Variants in SPOCK3 observed in about 807,000 individuals in gnomAD.
SPOCK3 encodes the protein testican-3.
A neutral mutation model predicts 56.6 loss-of-function variants in SPOCK3; 30 were observed. That is an observed-to-expected ratio of 0.53 (90% CI 0.40 to 0.72). SPOCK3 has a LOEUF of 0.72. Among genes scored for constraint, SPOCK3 ranks in the 30% least tolerant of loss-of-function variants. The pLI is 0.00. For missense variants in SPOCK3, 527 were observed against 530.0 expected, an observed-to-expected ratio of 0.99 and a Z score of 0.06; for synonymous variants, 196 against 183.3, an observed-to-expected ratio of 1.07 and a Z score of -0.56.
intron 2 of SPOCK3, among the ~76,000 whole-genome samples, chr4:167,199,225 T>TTGTGTGTGTGTGTG (rs58765976): frequency 4.5e-4 from 64 of 142,058 alleles, no homozygotes; most frequent in African/African-American, 1.6e-3. Context: ...AAATATTTGT[T>TTGTGTGTGTGTGTG]TGTGTGTGTG....
intron 7 of SPOCK3, among the ~76,000 whole-genome samples, chr4:166,765,763 T>G (rs970278113): frequency 3.3e-5 from 5 of 152,358 alleles, no homozygotes; most frequent in African/African-American, 1.2e-4. Flanking sequence ...ATTGAATCTA[T>G]AAATTACCTT....
At chr4:167,070,291 GGCAGGGAGACCCCTGATT>G (rs1182207579) in intron 2 of SPOCK3, among the ~76,000 whole-genome samples, 1 of 151,854 alleles carries the variant, frequency 6.6e-6, no homozygotes, top group African/African-American at 2.4e-5. Context: ...AAGCATAAAT[GGCAGGGAGACCCCTGATT>G]TTTAACCTTT....
At chr4:167,081,276 G>T (rs1757681945) in intron 2 of SPOCK3, among the ~76,000 whole-genome samples, 1 of 151,854 alleles carries the variant, frequency 6.6e-6, no homozygotes, top group South Asian at 2.1e-4. Context: ...CCTTTGCTGG[G>T]CTTTGAAGAT....
At chr4:166,805,370 T>C (rs867877939) in intron 6 of SPOCK3, among the ~76,000 whole-genome samples, 8 of 152,054 alleles carry the variant, frequency 5.3e-5, no homozygotes, top group South Asian at 4.1e-4. Context: ...AAAACAAACA[T>C]TGCATTCTAG....
intron 2 of SPOCK3, among the ~76,000 whole-genome samples, chr4:167,158,969 A>G (rs927480142): frequency 6.6e-6 from 1 of 152,022 alleles, no homozygotes; most frequent in African/African-American, 2.4e-5. Context: ...GTGTTCATAC[A>G]TACATAGTTA....
At chr4:167,044,876 A>T (rs924353533) in intron 3 of SPOCK3, among the ~76,000 whole-genome samples, 3 of 152,038 alleles carry the variant, frequency 2.0e-5, no homozygotes, top group African/African-American at 7.2e-5. Flanking sequence ...CTTGAAAAGG[A>T]TGTTTACTCT....
chr4:166,955,677 TA>T (rs1743376312), intron 4 of SPOCK3, among the ~76,000 whole-genome samples: 1 of 147,556 alleles, frequency 6.8e-6, no homozygotes, highest in Admixed American at 6.8e-5. Flanking sequence ...TATAGAGAAA[TA>T]TAAATTATTA....
At chr4:166,881,772 T>C (rs1733710457) in intron 6 of SPOCK3, among the ~76,000 whole-genome samples, 1 of 152,122 alleles carries the variant, frequency 6.6e-6, no homozygotes, top group African/African-American at 2.4e-5. Context: ...TAAGAGACTG[T>C]TCAGAATGTG....
At chr4:166,835,747 G>A (rs192881068) in intron 6 of SPOCK3, among the ~76,000 whole-genome samples, 13 of 152,242 alleles carry the variant, frequency 8.5e-5, no homozygotes, top group African/African-American at 2.2e-4. Flanking sequence ...GGTGGCTCAC[G>A]CCAGCACTTT....
intron 2 of SPOCK3, among the ~76,000 whole-genome samples, chr4:167,205,524 A>AT (rs1561322621): frequency 8.5e-5 from 5 of 58,900 alleles, no homozygotes; most frequent in African/African-American, 3.0e-4. Context: ...TATATTATAT[A>AT]TATTATTATA....
chr4:167,013,426 A>T (rs532909062), intron 3 of SPOCK3, among the ~76,000 whole-genome samples: 1 of 151,658 alleles, frequency 6.6e-6, no homozygotes, highest in South Asian at 2.1e-4. Context: ...TAATAAAATA[A>T]ATGCTAATAG....
At chr4:166,748,139 A>T (rs540173569) in intron 8 of SPOCK3, among the ~76,000 whole-genome samples, 1 of 144,452 alleles carries the variant, frequency 6.9e-6, no homozygotes, top group South Asian at 2.1e-4. Context: ...AAACTACTTT[A>T]AAGTTCATAT....
intron 4 of SPOCK3, among the ~76,000 whole-genome samples, chr4:166,925,830 T>G (rs1161119590): frequency 2.0e-5 from 3 of 152,174 alleles, no homozygotes; most frequent in Non-Finnish European, 4.4e-5. Context: ...TTTCCCAATG[T>G]GCAAAGTGAA....
chr4:167,046,880 A>G (rs1753783750), intron 3 of SPOCK3, among the ~76,000 whole-genome samples: 1 of 152,200 alleles, frequency 6.6e-6, no homozygotes, highest in South Asian at 2.1e-4. Context: ...TGAAGTAACA[A>G]AGAAGTTGTG....
intron 4 of SPOCK3, among the ~76,000 whole-genome samples, chr4:166,940,386 A>T (rs1740908663): frequency 6.6e-6 from 1 of 152,098 alleles, no homozygotes. Flanking sequence ...ATACAAACAG[A>T]TGTGGATGCT....
At chr4:166,976,408 A>C (rs1312327966) in intron 4 of SPOCK3, among the ~76,000 whole-genome samples, 1 of 152,150 alleles carries the variant, frequency 6.6e-6, no homozygotes, top group African/African-American at 2.4e-5. Context: ...ATTGCAACCC[A>C]ATGTCAGTAT....
intron 2 of SPOCK3, among the ~76,000 whole-genome samples, chr4:167,175,890 G>A (rs1730941304): frequency 6.6e-6 from 1 of 152,104 alleles, no homozygotes; most frequent in Admixed American, 6.6e-5. Context: ...TTAGTGTATT[G>A]TATTAATTTC....
At chr4:166,903,079 CTTTA>C (rs1193387746) in intron 5 of SPOCK3, among the ~76,000 whole-genome samples, 3 of 145,980 alleles carry the variant, frequency 2.1e-5, no homozygotes, top group Non-Finnish European at 4.5e-5. Context: ...TAGTGTGCCC[CTTTA>C]TTTATATTTA....
intron 6 of SPOCK3, among the ~76,000 whole-genome samples, chr4:166,864,550 A>C (rs1731585384): frequency 6.6e-6 from 1 of 152,174 alleles, no homozygotes. Flanking sequence ...AATAATAAAG[A>C]AGAAAAGAGA....
Sources: gnomAD v4.1 joint callset for allele counts (sites outside exome capture counted in the v4.1 genomes callset) on GRCh38, gnomAD v4.1.1 for gene constraint, MANE v1.5 for transcripts, NCBI Gene and HGNC (gene_info 2026-07-23, HGNC 2026-07-21) for gene names.